The following IQSEC1 variants were observed in gnomAD, a reference collection of about 807,000 sequenced individuals.
IQSEC1 encodes the protein IQ motif and SEC7 domain-containing protein 1.
Under a neutral mutation model 91.0 loss-of-function variants are expected in IQSEC1, and 31 were observed. The ratio of observed to expected loss-of-function variants is 0.34; its 90% confidence interval spans 0.26 to 0.46. IQSEC1 has a LOEUF of 0.46. Ranked by LOEUF, IQSEC1 falls within the 20% of genes least tolerant of loss-of-function variation. IQSEC1 has a pLI of 1.00. For missense variants in IQSEC1, 1,388 were observed against 1,575.6 expected, an observed-to-expected ratio of 0.88 and a Z score of 2.02; for synonymous variants, 699 against 662.6, an observed-to-expected ratio of 1.05 and a Z score of -0.84.
intron 8 of IQSEC1, among the ~76,000 whole-genome samples, chr3:12,914,746 C>A (rs1008930625): frequency 6.6e-6 from 1 of 152,046 alleles, no homozygotes; most frequent in Non-Finnish European, 1.5e-5. Context: ...AGGAGGCAGG[C>A]ACTGGGAGAG....
At chr3:13,011,274 G>A (rs17775004) in intron 1 of IQSEC1, among the ~76,000 whole-genome samples, 9,180 of 152,144 alleles carry the variant, frequency 0.06, 322 homozygotes, top group Non-Finnish European at 0.073. Context: ...GAACCAAACC[G>A]TTTCCCATTT....
chr3:13,227,071 C>T lies in IQSEC1; in HGVS notation c.272+55640G>A, dbSNP rs560874598. ...TAGTCCAGCCTGGGGGACAGAGATACTGTCACTAAAAAAAAAAATTCCGGC... is the reference window on the plus strand; with the variant it reads ...TAGTCCAGCCTGGGGGACAGAGATATTGTCACTAAAAAAAAAAATTCCGGC... On this transcript the variant is annotated intron_variant, in intron 1 of 15. Coordinates refer to the IQSEC1 transcript ENST00000648114. Among the ~76,000 whole-genome samples, 11 of 151,724 alleles carry T rather than the reference C, an allele frequency of 7.3e-5. No homozygotes were observed. In the East Asian group the frequency reaches 2.1e-3, roughly 29 times the overall value.
intron 1 of IQSEC1, among the ~76,000 whole-genome samples, chr3:13,063,177 C>T (rs73018516): frequency 0.061 from 9,334 of 152,302 alleles, 396 homozygotes; most frequent in Non-Finnish European, 0.093. Flanking sequence ...AGCCTGGCTT[C>T]CCCACTGCCC....
chr3:12,917,239 G>T (rs963625922), intron 6 of IQSEC1, among the ~76,000 whole-genome samples: 2 of 152,090 alleles, frequency 1.3e-5, no homozygotes, highest in African/African-American at 4.8e-5. Flanking sequence ...AGCCTACACG[G>T]ACACATCAGC....
intron 2 of IQSEC1, among the ~76,000 whole-genome samples, chr3:13,105,636 T>C (rs1464455333): frequency 6.6e-6 from 1 of 152,096 alleles, no homozygotes; most frequent in Non-Finnish European, 1.5e-5. Flanking sequence ...CCTCTCTGTA[T>C]CACGGGCATC....
intron 1 of IQSEC1, among the ~76,000 whole-genome samples, chr3:12,977,050 C>G (rs75509688): frequency 2.6e-5 from 4 of 152,250 alleles, no homozygotes; most frequent in African/African-American, 4.8e-5. Context: ...AAAAAGGAGG[C>G]GTCAGGCTGG....
At position 12,979,150 on chromosome 3, in the gene IQSEC1, C is replaced by T. The variant is rs187172650; in HGVS notation, c.24-37285G>A. Among the ~76,000 whole-genome samples, 27 of 152,318 alleles carry T rather than the reference C, an allele frequency of 1.8e-4. No individual in the cohort carries two copies. The highest frequency in any genetic ancestry group is 4.1e-4 in the African/African-American group (17 of 41,570). On this transcript the variant is annotated intron_variant, in intron 1 of 13. Transcript: ENST00000613206. The surrounding 1 kb of genome is among the most constrained non-coding windows in gnomAD (Gnocchi z 4.3). ...ACCTGTATACATTCCAATTACTTAA[C>T]GCTCTTCATTCTATCAAGAAAACTT...
Position 13,073,075 on chromosome 3 carries a change from T to C in IQSEC1, c.-61A>G. The C allele has an allele frequency of 6.5e-7, 1 of 1,549,020 alleles. No individual in the cohort carries two copies. The highest frequency in any genetic ancestry group is 1.2e-5 in the South Asian group (1 of 83,946). On this transcript the variant is annotated 5_prime_UTR_variant, in exon 1 of 14. Transcript: ENST00000613206. Reference sequence around the variant, plus strand: ...TCTCCAGCGGGGAGGCTCAACGTGTTTCCAAGAGGAGCAGGCGGCTCAGGC... The same window carrying C: ...TCTCCAGCGGGGAGGCTCAACGTGTCTCCAAGAGGAGCAGGCGGCTCAGGC...
rs57239903 is a variant in IQSEC1 at position 13,165,537 on chromosome 3, C to CGTGTGTGTGTGTGT, written c.273-1418_273-1405dup. On this transcript the variant is annotated intron_variant, in intron 1 of 15. Coordinates refer to the IQSEC1 transcript ENST00000648114. The stretch of plus-strand genomic sequence containing the variant: ...GGGGGGGTGGGGGGTGGGGGGGTGG[C>CGTGTGTGTGTGTGT]GTGTGTGTGTGTGTGTGTGTGTGTG... Among the ~76,000 whole-genome samples the CGTGTGTGTGTGTGT allele has an allele frequency of 1.1e-4, 7 of 66,642 alleles. 1 individual carries two copies. The highest frequency in any genetic ancestry group is 4.0e-4 in the African/African-American group (7 of 17,540). The allele number at this position is 66,642 out of a possible 152,430, so 43.7% of individuals were successfully genotyped here. A position where few individuals can be genotyped will look rare whatever the true frequency, so the allele number is the denominator to read the frequency against.
At chr3:13,133,757 A>T (rs1706662384) in intron 2 of IQSEC1, among the ~76,000 whole-genome samples, 1 of 152,230 alleles carries the variant, frequency 6.6e-6, no homozygotes, top group South Asian at 2.1e-4. Context: ...CCCCAAGGGG[A>T]TGCTGCTTGG....
At chr3:12,971,988 CTGGCAACAGGGT>C (rs1458012128) in intron 1 of IQSEC1, among the ~76,000 whole-genome samples, 2 of 150,782 alleles carry the variant, frequency 1.3e-5, no homozygotes, top group Non-Finnish European at 2.9e-5. Flanking sequence ...CACTCCAGCC[CTGGCAACAGGGT>C]GAGACTCCAT....
chr3:13,097,573 G>T (rs941121846), intron 2 of IQSEC1, among the ~76,000 whole-genome samples: 1 of 152,140 alleles, frequency 6.6e-6, no homozygotes, highest in Non-Finnish European at 1.5e-5. Flanking sequence ...CTCTGCAGCC[G>T]CCAGCCCCCA....
At chr3:12,975,814 A>G (rs1559691013) in intron 1 of IQSEC1, among the ~76,000 whole-genome samples, 1 of 152,256 alleles carries the variant, frequency 6.6e-6, no homozygotes, top group African/African-American at 2.4e-5. Flanking sequence ...ATGAGAACCC[A>G]GGACTGAGTC....
chr3:13,277,254 A>C (rs1695704688), intron 1 of IQSEC1, among the ~76,000 whole-genome samples: 1 of 151,748 alleles, frequency 6.6e-6, no homozygotes, highest in African/African-American at 2.4e-5. Flanking sequence ...GCCTGACTCC[A>C]GGCCCCTCCA....
chr3:13,105,687 G>A (rs948239686), intron 2 of IQSEC1, among the ~76,000 whole-genome samples: 1 of 152,006 alleles, frequency 6.6e-6, no homozygotes, highest in Non-Finnish European at 1.5e-5. Flanking sequence ...TCTAGCCTCA[G>A]CAGGGCCCAT....
Position 13,193,525 on chromosome 3 carries a change from G to A in IQSEC1, c.273-29392C>T, listed in dbSNP as rs896597005. ...GGGAACAAGGCACAGAGGGGACGAA[G>A]AGGAGTGCCAGCCCAGGCCGCCAGG... On this transcript the variant is annotated intron_variant, in intron 1 of 15. Coordinates refer to the IQSEC1 transcript ENST00000648114. The surrounding 1 kb of genome is among the most constrained non-coding windows in gnomAD (Gnocchi z 4.2). 6.6e-6 allele frequency among the ~76,000 whole-genome samples: 1 copy of A among 152,204 alleles called. No homozygotes were observed. The highest frequency in any genetic ancestry group is 2.4e-5 in the African/African-American group (1 of 41,436).
intron 2 of IQSEC1, among the ~76,000 whole-genome samples, chr3:13,104,745 G>A (rs767970517): frequency 3.3e-5 from 5 of 152,144 alleles, no homozygotes; most frequent in African/African-American, 1.2e-4. Flanking sequence ...GGCCACTAGC[G>A]GACGCTAACC....
intron 2 of IQSEC1, among the ~76,000 whole-genome samples, chr3:13,080,610 T>G (rs1705633292): frequency 1.3e-5 from 2 of 151,878 alleles, no homozygotes; most frequent in Non-Finnish European, 2.9e-5. Context: ...CATGGACATT[T>G]AAGGGAACAG....
At chr3:13,063,285 C>T (rs1048098624) in intron 1 of IQSEC1, among the ~76,000 whole-genome samples, 2 of 152,268 alleles carry the variant, frequency 1.3e-5, no homozygotes, top group South Asian at 2.1e-4. Flanking sequence ...ATTCATAGAA[C>T]AGTCAATTTG....
Sources: allele counts gnomAD v4.1 joint callset (sites outside exome capture counted in the v4.1 genomes callset), GRCh38; gene constraint gnomAD v4.1.1; non-coding constraint Gnocchi (gnomAD v3.1); transcripts MANE v1.5; gene names NCBI Gene and HGNC (gene_info 2026-07-23, HGNC 2026-07-21).